Variants in RHOH observed in about 807,000 individuals in gnomAD.
RHOH encodes the protein rho-related GTP-binding protein RhoH.
In RHOH, 6 loss-of-function variants were observed where a neutral mutation model predicts 13.8. The observed-to-expected ratio is 0.44, with a 90% CI of 0.24 to 0.86. The LOEUF is 0.86. RHOH is among the 40% of genes least tolerant of loss of function. The pLI is 0.24. For missense variants in RHOH, 147 were observed against 244.5 expected (o/e 0.60, Z 2.66); for synonymous variants, 117 against 103.0 (o/e 1.14, Z -0.82).
intron 1 of RHOH, among the ~76,000 whole-genome samples, chr4:40,207,031 A>AC (rs1316501021): frequency 1.3e-5 from 2 of 151,964 alleles, no homozygotes; most frequent in African/African-American, 4.8e-5. Flanking sequence ...AGATGGTGAA[A>AC]CCCCGTCTCT....
intron 1 of RHOH, among the ~76,000 whole-genome samples, chr4:40,201,483 GTGACATTAT>G (rs1301449058): frequency 6.6e-6 from 1 of 152,172 alleles, no homozygotes; most frequent in Non-Finnish European, 1.5e-5. Flanking sequence ...TTCCAAGCCA[GTGACATTAT>G]TGACTTCTCT....
intron 1 of RHOH, among the ~76,000 whole-genome samples, chr4:40,228,248 G>GA (rs1448587232): frequency 1.3e-5 from 2 of 151,662 alleles, no homozygotes; most frequent in Non-Finnish European, 2.9e-5. Flanking sequence ...CTTAGTTTTG[G>GA]AAAAAAATGA....
At chr4:40,229,465 G>A (rs146156158) in intron 1 of RHOH, among the ~76,000 whole-genome samples, 286 of 151,866 alleles carry the variant, frequency 1.9e-3, no homozygotes, top group African/African-American at 6.6e-3. Flanking sequence ...GAGAAACCCC[G>A]TCTCTACTAA....
chr4:40,205,673 A>G (rs1724559186), intron 1 of RHOH: 1 of 152,164 alleles, frequency 6.6e-6, no homozygotes, highest in South Asian at 2.1e-4. Context: ...ACTTACCCCA[A>G]ACCCGTCTGT....
intron 1 of RHOH, among the ~76,000 whole-genome samples, chr4:40,197,599 A>G (rs572922925): frequency 6.6e-6 from 1 of 152,316 alleles, no homozygotes; most frequent in Admixed American, 6.5e-5. Flanking sequence ...GCTCAACTGT[A>G]TGGGTAGTTT....
At chr4:40,197,475 C>T (rs1723335405) in intron 1 of RHOH, among the ~76,000 whole-genome samples, 175 bp downstream of exon 1, 1 of 152,128 alleles carries the variant, frequency 6.6e-6, no homozygotes, top group African/African-American at 2.4e-5. Context: ...CTTTGATATT[C>T]ACTGCCCCTC....
At chr4:40,241,604 T>C (rs1019780111) in intron 1 of RHOH, among the ~76,000 whole-genome samples, 9 of 152,182 alleles carry the variant, frequency 5.9e-5, no homozygotes, top group African/African-American at 1.9e-4. Flanking sequence ...AAAAATGTCT[T>C]GGCAGCCGGA....
chr4:40,216,868 T>C (rs1229505735), intron 1 of RHOH, among the ~76,000 whole-genome samples: 1 of 152,194 alleles, frequency 6.6e-6, no homozygotes, highest in Non-Finnish European at 1.5e-5. Context: ...TAGAAGATGA[T>C]CTTTCAGATT....
chr4:40,202,864 T>C (rs1724179243), intron 1 of RHOH, among the ~76,000 whole-genome samples: 1 of 152,116 alleles, frequency 6.6e-6, no homozygotes, highest in African/African-American at 2.4e-5. Context: ...GGATAAGAAA[T>C]TAACTCCATT....
At chr4:40,201,571 G>C (rs1008218571) in intron 1 of RHOH, among the ~76,000 whole-genome samples, 1 of 152,098 alleles carries the variant, frequency 6.6e-6, no homozygotes, top group Non-Finnish European at 1.5e-5. Flanking sequence ...TTTGCATTCA[G>C]CGATGTCATG....
At chr4:40,203,219 G>A (rs893453453) in intron 1 of RHOH, among the ~76,000 whole-genome samples, 2 of 152,144 alleles carry the variant, frequency 1.3e-5, no homozygotes, top group South Asian at 2.1e-4. Context: ...TGATCCGCCC[G>A]CCTCGGCCTC....
At chr4:40,236,354 T>C (rs2109544096) in intron 1 of RHOH, among the ~76,000 whole-genome samples, 1 of 152,258 alleles carries the variant, frequency 6.6e-6, no homozygotes, top group East Asian at 1.9e-4. Context: ...AATAAAACAA[T>C]TAATAAATAA....
chr4:40,237,195 G>A (rs910576440), intron 1 of RHOH, among the ~76,000 whole-genome samples: 1 of 152,288 alleles, frequency 6.6e-6, no homozygotes, highest in East Asian at 1.9e-4. Context: ...GCTCACGCCT[G>A]TAATCCCGGC....
chr4:40,201,433 G>A (rs983085767), intron 1 of RHOH, among the ~76,000 whole-genome samples: 6 of 151,798 alleles, frequency 4.0e-5, no homozygotes, highest in East Asian at 1.9e-4. Context: ...TTCTAGAACC[G>A]GCTTGCTCTC....
chr4:40,215,113 C>T (rs951873678), intron 1 of RHOH, among the ~76,000 whole-genome samples: 1 of 152,070 alleles, frequency 6.6e-6, no homozygotes, highest in African/African-American at 2.4e-5. Flanking sequence ...TAAAAACTAC[C>T]CGGTAAGGCT....
chr4:40,243,368 A>G lies in RHOH; in HGVS notation c.-19A>G, dbSNP rs749604343. Reference sequence around the variant, plus strand: ...TCCCTGGGATTCTGGACTTCAGAGTAGGACAGCAGGCTGGGAAGATGCTGA... The same window carrying G: ...TCCCTGGGATTCTGGACTTCAGAGTGGGACAGCAGGCTGGGAAGATGCTGA... On this transcript the variant is annotated 5_prime_UTR_variant, in exon 3 of 3. Transcript: ENST00000381799. The surrounding 1 kb of genome is among the most constrained non-coding windows in gnomAD (Gnocchi z 6.2). 1.0e-5 allele frequency: 16 copies of G among 1,554,728 alleles called. No homozygotes were observed. In the Middle Eastern group the frequency reaches 5.8e-4, roughly 57 times the overall value.
intron 1 of RHOH, among the ~76,000 whole-genome samples, chr4:40,203,956 T>G (rs1579237763): frequency 6.6e-6 from 1 of 152,212 alleles, no homozygotes. Flanking sequence ...CCTTACTGTA[T>G]GATAACATTA....
rs753051284 is a variant in RHOH, at chr4:40,246,252, C to G, written c.*2290C>G. 2.0e-5 allele frequency: 3 copies of G among 152,210 alleles called. No individual in the cohort carries two copies. Among genetic ancestry groups the G allele is most frequent in the Non-Finnish European group, 4.4e-5 (3 of 68,074 alleles). 9.4% of individuals were successfully genotyped at this position (152,210 alleles called of 1,614,324 possible). ...TCACTGCAGTGGGCTGTCCCCCAGG[C>G]TTTTCTTTCTCTCTTGTTGAAGAGA... On this transcript the variant is annotated 3_prime_UTR_variant, in exon 3 of 3. Coordinates refer to ENST00000381799, the MANE Select transcript of RHOH (RefSeq NM_004310.5).
chr4:40,195,594 G>A (rs1300175128), upstream of RHOH, among the ~76,000 whole-genome samples: 1 of 151,986 alleles, frequency 6.6e-6, no homozygotes, highest in Non-Finnish European at 1.5e-5. Context: ...CTGAGTAGCT[G>A]GGACTACAGG....
Sources: allele counts gnomAD v4.1 joint callset (sites outside exome capture counted in the v4.1 genomes callset), GRCh38; gene constraint gnomAD v4.1.1; non-coding constraint Gnocchi (gnomAD v3.1); transcripts MANE v1.5; gene names NCBI Gene and HGNC (gene_info 2026-07-23, HGNC 2026-07-21).